Variants in MAST4 observed in about 807,000 individuals in gnomAD.
The protein encoded by MAST4 is microtubule-associated serine/threonine-protein kinase 4.
MAST4 carries 89 observed loss-of-function variants against 162.7 expected under a neutral mutation model. The observed-to-expected ratio is 0.55, with a 90% CI of 0.46 to 0.65. The LOEUF (loss-of-function observed/expected upper bound fraction) is 0.65, where lower values mean the gene tolerates loss of function less well. Ranked by LOEUF, MAST4 falls within the 30% of genes least tolerant of loss-of-function variation. The pLI is 0.00. For synonymous variants in MAST4, 1,479 were observed against 1,361.1 expected (o/e 1.09, Z -1.91); for missense variants, 3,153 against 3,374.0 (o/e 0.93, Z 1.62).
intron 4 of MAST4, chr5:66,959,369 G>A (rs1306489944): frequency 1.3e-6 from 1 of 772,566 alleles, no homozygotes; most frequent in Non-Finnish European, 2.4e-6. Flanking sequence ...TAGCTATTTA[G>A]CATTTGTTTG....
At chr5:66,824,877 ATATTT>A (rs1757167628) in intron 3 of MAST4, among the ~76,000 whole-genome samples, 2 of 152,300 alleles carry the variant, frequency 1.3e-5, no homozygotes, top group African/African-American at 4.8e-5. Context: ...AATATAAAAG[ATATTT>A]TATATCTGTA....
intron 4 of MAST4, among the ~76,000 whole-genome samples, chr5:66,934,778 G>A (rs1221573844): frequency 1.3e-5 from 2 of 152,148 alleles, no homozygotes; most frequent in Admixed American, 6.5e-5. Flanking sequence ...TAACCTGGCA[G>A]CAAAGGGGGA....
chr5:66,916,958 G>C, intron 4 of MAST4: 1 of 717,408 alleles, frequency 1.4e-6, no homozygotes, highest in South Asian at 1.5e-5. Context: ...ATATCCTTAC[G>C]TACTGGTCCT....
chr5:67,140,245 C>T (rs1427507862), intron 19 of MAST4, among the ~76,000 whole-genome samples: 2 of 152,232 alleles, frequency 1.3e-5, no homozygotes, highest in Non-Finnish European at 2.9e-5. Flanking sequence ...CCCTACCCAA[C>T]ACCCGCACCG....
chr5:66,916,320 G>A (rs765351744), intron 4 of MAST4, among the ~76,000 whole-genome samples: 3 of 152,168 alleles, frequency 2.0e-5, no homozygotes, highest in African/African-American at 7.2e-5. Flanking sequence ...TGATACACAG[G>A]GGGGAAAGAG....
rs550416896 is a variant in MAST4, at chr5:66,897,346, T to TA, written c.643-2604dup. On this transcript the variant is annotated intron_variant, in intron 3 of 28. Transcript: ENST00000403625. ...ATTAAGAAAATAAAATGAGGACACA[T>TA]ACACGAAGTACTGCAGGGACTTTGG... 4.8e-3 allele frequency among the ~76,000 whole-genome samples: 727 copies of TA among 152,296 alleles called. 3 individuals carry two copies. The highest frequency in any genetic ancestry group is 0.016 in the African/African-American group (681 of 41,546).
chr5:67,137,385 T>C (rs1189449449), intron 19 of MAST4, among the ~76,000 whole-genome samples: 1 of 152,172 alleles, frequency 6.6e-6, no homozygotes, highest in Non-Finnish European at 1.5e-5. Context: ...TGAATTTATG[T>C]AGATGAGACT....
intron 4 of MAST4, chr5:66,916,874 T>C (rs747736740): frequency 4.6e-6 from 3 of 645,552 alleles, no homozygotes; most frequent in Non-Finnish European, 8.6e-6. Context: ...TTAACTGACA[T>C]TCTTGTTGTT....
intron 4 of MAST4, among the ~76,000 whole-genome samples, chr5:66,928,227 A>T (rs7708727): frequency 0.062 from 9,494 of 152,232 alleles, 346 homozygotes; most frequent in African/African-American, 0.076. Context: ...TAGAAGGCAG[A>T]TTCTATCTGC....
intron 1 of MAST4, among the ~76,000 whole-genome samples, chr5:66,597,719 G>A (rs1742291010): frequency 1.3e-5 from 2 of 152,292 alleles, no homozygotes; most frequent in South Asian, 2.1e-4. Context: ...GCGGGGTGGG[G>A]GATCTGTATC....
intron 4 of MAST4, among the ~76,000 whole-genome samples, chr5:66,946,771 G>A (rs1450534650): frequency 6.6e-6 from 1 of 152,122 alleles, no homozygotes; most frequent in African/African-American, 2.4e-5. Flanking sequence ...GATAGATTCA[G>A]GTCTTATCTC....
intron 4 of MAST4, among the ~76,000 whole-genome samples, chr5:66,918,307 T>C (rs1327486283): frequency 6.6e-6 from 1 of 152,160 alleles, no homozygotes; most frequent in Non-Finnish European, 1.5e-5. Context: ...TTTGTAAATA[T>C]GATGTGAACA....
At chr5:66,717,078 C>T (rs565951313) in intron 1 of MAST4, among the ~76,000 whole-genome samples, 1 of 152,286 alleles carries the variant, frequency 6.6e-6, no homozygotes, top group South Asian at 2.1e-4. Flanking sequence ...CCATGGCACA[C>T]TGGACCCTGA....
rs550118774 is a variant in MAST4 at position 67,023,564 on chromosome 5, C to G, written c.675-30840C>G. The stretch of plus-strand genomic sequence containing the variant: ...AAAGTGAGAAAGTCTTTCTGTGGAC[C>G]CTGGGTCCTATTATTTAGACAGAGC... On this transcript the variant is annotated intron_variant, in intron 4 of 28. Transcript: ENST00000403625. Among the ~76,000 whole-genome samples, 21 of 152,174 alleles carry G rather than the reference C, an allele frequency of 1.4e-4. No homozygotes were observed. The South Asian group carries it at 2.9e-3, about 21-fold the overall frequency.
At chr5:66,988,339 A>G (rs1450186871) in intron 4 of MAST4, among the ~76,000 whole-genome samples, 1 of 152,194 alleles carries the variant, frequency 6.6e-6, no homozygotes, top group African/African-American at 2.4e-5. Flanking sequence ...AGGGCTTGAT[A>G]TATGGGTGTA....
chr5:66,954,560 G>T (rs1745076811), intron 4 of MAST4, among the ~76,000 whole-genome samples: 1 of 152,102 alleles, frequency 6.6e-6, no homozygotes, highest in Admixed American at 6.6e-5. Flanking sequence ...CTCTGATAGG[G>T]GAAGACAGAC....
chr5:66,930,895 G>A (rs1186892053), intron 4 of MAST4: 1 of 416,732 alleles, frequency 2.4e-6, no homozygotes, highest in Non-Finnish European at 4.9e-6. Flanking sequence ...TTGTATACTT[G>A]GTCCTGTGGA....
At chr5:66,775,041 G>C (rs866518458) in intron 2 of MAST4, among the ~76,000 whole-genome samples, 15 of 145,182 alleles carry the variant, frequency 1.0e-4, no homozygotes, top group African/African-American at 1.3e-4. Flanking sequence ...GTGTGTATGT[G>C]TGTGTTTTCC....
At chr5:66,824,027 A>G (rs1021682643) in intron 3 of MAST4, among the ~76,000 whole-genome samples, 3 of 152,204 alleles carry the variant, frequency 2.0e-5, no homozygotes, top group Non-Finnish European at 2.9e-5. Context: ...CTATCTATGA[A>G]TGGAAAGAAG....
Sources: allele counts gnomAD v4.1 joint callset (sites outside exome capture counted in the v4.1 genomes callset), GRCh38; gene constraint gnomAD v4.1.1; transcripts MANE v1.5; gene names NCBI Gene and HGNC (gene_info 2026-07-23, HGNC 2026-07-21).